Variants in ERCC6L observed in about 807,000 individuals in gnomAD.
ERCC6L encodes the protein DNA excision repair protein ERCC-6-like.
A neutral mutation model predicts 20.1 loss-of-function variants in ERCC6L; 7 were observed. The observed-to-expected ratio is 0.35, with a 90% confidence interval of 0.20 to 0.65. The LOEUF is 0.65. ERCC6L is among the 30% of genes least tolerant of loss of function. The pLI, the probability that ERCC6L is intolerant of heterozygous loss-of-function variation, is 0.69. For synonymous variants in ERCC6L, 278 were observed against 331.3 expected, an observed-to-expected ratio of 0.84 and a Z score of 1.75; for missense variants, 592 against 892.4, an observed-to-expected ratio of 0.66 and a Z score of 4.29.
In ERCC6L at chrX:72,205,503, G is replaced by A. The variant is rs969727890; in HGVS notation, c.3264C>T (p.Asn1088=). 1 of 1,211,344 alleles carries A rather than the reference G, an allele frequency of 8.3e-7. No individual in the cohort carries two copies. The highest frequency in any genetic ancestry group is 2.2e-5 in the Admixed American group (1 of 46,013). The change falls in exon 2 of 2, where the codon AAC becomes AAT. Residue 1088 remains asparagine, a synonymous_variant. Coordinates refer to ENST00000334463, the MANE Select transcript of ERCC6L (RefSeq NM_017669.4). ...TCCTAGAAGCCAGAGATCTTCTAGAGTTCATAGACTTATTTACACTACTGG... is the reference window on the plus strand; with the variant it reads ...TCCTAGAAGCCAGAGATCTTCTAGAATTCATAGACTTATTTACACTACTGG... ...QIPSSVNKSM[N]SRRSLASRRS...
rs1255406640 is a variant in ERCC6L at position 72,238,987 on chromosome X, G to C, written c.-76C>G. 1.1e-5 allele frequency: 11 copies of C among 1,001,975 alleles called. No individual in the cohort carries two copies. The highest frequency in any genetic ancestry group is 3.8e-5 in the African/African-American group (2 of 53,238). 82.6% of individuals were successfully genotyped at this position (1,001,975 alleles called of 1,213,427 possible). ...CTTGGAGCTTGGAGCTTGGAGCTTA[G>C]AGTTTGGAGCTTGAATTTCGCTCAC... On this transcript the variant is annotated 5_prime_UTR_variant, in exon 1 of 2. Coordinates refer to ENST00000334463, the MANE Select transcript of ERCC6L (RefSeq NM_017669.4).
At chrX:72,217,579 A>G (rs1413045379) in intron 1 of ERCC6L, among the ~76,000 whole-genome samples, 1 of 111,891 alleles carries the variant, frequency 8.9e-6, no homozygotes, top group Non-Finnish European at 1.9e-5. Flanking sequence ...TGTTTTATAC[A>G]TTTTATTTAT....
chrX:72,235,467 C>G (rs1192167640), intron 1 of ERCC6L, among the ~76,000 whole-genome samples: 2 of 103,975 alleles, frequency 1.9e-5, no homozygotes, highest in Non-Finnish European at 3.9e-5. Flanking sequence ...GCGATCTCAG[C>G]TCACTGCAAC....
At chrX:72,216,582 C>A (rs2042888357) in intron 1 of ERCC6L, among the ~76,000 whole-genome samples, 1 of 111,659 alleles carries the variant, frequency 9.0e-6, no homozygotes, top group Non-Finnish European at 1.9e-5. Flanking sequence ...CCATTTCTCC[C>A]ACCCCTCAGT....
At chrX:72,214,853 G>A (rs1415333976) in intron 1 of ERCC6L, among the ~76,000 whole-genome samples, 1 of 110,169 alleles carries the variant, frequency 9.1e-6, no homozygotes, top group Non-Finnish European at 1.9e-5. Flanking sequence ...CAGGTGTGGT[G>A]ACGGGTTCCT....
chrX:72,212,120 C>CA (rs2042858393), intron 1 of ERCC6L, among the ~76,000 whole-genome samples: 1 of 109,521 alleles, frequency 9.1e-6, no homozygotes, highest in Non-Finnish European at 1.9e-5. Flanking sequence ...ACTAAAAATA[C>CA]AAAAAAATTA....
At chrX:72,224,655 G>T (rs2042944328) in intron 1 of ERCC6L, among the ~76,000 whole-genome samples, 1 of 111,378 alleles carries the variant, frequency 9.0e-6, no homozygotes, top group Admixed American at 9.6e-5. Context: ...TGAGGCAAGA[G>T]AATTGCTTGA....
intron 1 of ERCC6L, among the ~76,000 whole-genome samples, chrX:72,217,866 C>CG (rs935402688): frequency 1.8e-5 from 2 of 112,263 alleles, no homozygotes; most frequent in African/African-American, 6.5e-5. Context: ...TGATCTATAT[C>CG]TATACTTATG....
At chrX:72,233,680 C>A (rs1171672926) in intron 1 of ERCC6L, among the ~76,000 whole-genome samples, 1 of 104,974 alleles carries the variant, frequency 9.5e-6, no homozygotes, top group African/African-American at 3.7e-5. Context: ...CGAGATTGCG[C>A]CACCACACTC....
intron 1 of ERCC6L, among the ~76,000 whole-genome samples, chrX:72,234,608 AAG>A (rs1283869100): frequency 9.0e-6 from 1 of 111,387 alleles, no homozygotes; most frequent in Non-Finnish European, 1.9e-5. Flanking sequence ...TTAACAATGA[AAG>A]AATTGGTGGG....
At chrX:72,217,440 T>C (rs2042892774) in intron 1 of ERCC6L, among the ~76,000 whole-genome samples, 1 of 111,840 alleles carries the variant, frequency 8.9e-6, no homozygotes, top group African/African-American at 3.2e-5. Context: ...ACAGAAAGCC[T>C]TACGCTTTTT....
intron 1 of ERCC6L, among the ~76,000 whole-genome samples, chrX:72,230,297 C>T (rs1327498955): frequency 9.0e-6 from 1 of 111,075 alleles, no homozygotes; most frequent in Non-Finnish European, 1.9e-5. Context: ...CAAGATAACC[C>T]CCCTCTGGCC....
Position 72,208,209 on chromosome X carries a change from T to G in ERCC6L, c.558A>C (p.Arg186Ser). ...FHGPSKDERT[R>S]NLNRIQQRNG... ...TCCTTTGCTGAATCCGATTGAGGTT[T>G]CTGGTCCGTTCATCCTTGCTAGGAC... Residue 186 changes from arginine to serine, a missense_variant, in exon 2 of 2, where the codon AGA (arginine) becomes AGC (serine). Transcript: ENST00000334463. 1 of 1,211,880 alleles carries G rather than the reference T, an allele frequency of 8.3e-7. No individual in the cohort carries two copies.
rs769868656 is a variant in ERCC6L at position 72,238,986 on chromosome X, A to G, written c.-75T>C. 310 of 926,788 alleles carry G rather than the reference A, an allele frequency of 3.3e-4. No individual in the cohort carries two copies. Among genetic ancestry groups the G allele is most frequent in the Non-Finnish European group, 4.3e-4 (290 of 667,816 alleles). The allele number at this position is 926,788 out of a possible 1,213,427, so 76.4% of individuals were successfully genotyped here. A position where few individuals can be genotyped will look rare whatever the true frequency, so the allele number is the denominator to read the frequency against. The stretch of plus-strand genomic sequence containing the variant: ...GCTTGGAGCTTGGAGCTTGGAGCTT[A>G]GAGTTTGGAGCTTGAATTTCGCTCA... On this transcript the variant is annotated 5_prime_UTR_variant, in exon 1 of 2. Coordinates refer to ENST00000334463, the MANE Select transcript of ERCC6L (RefSeq NM_017669.4).
chrX:72,214,918 T>C (rs979672708), intron 1 of ERCC6L, among the ~76,000 whole-genome samples: 1 of 105,571 alleles, frequency 9.5e-6, no homozygotes, highest in East Asian at 3.1e-4. Context: ...ACTCAGGAGA[T>C]GGAGGTTGCA....
intron 1 of ERCC6L, among the ~76,000 whole-genome samples, chrX:72,222,843 G>A (rs922606187): frequency 1.0e-4 from 11 of 106,000 alleles, no homozygotes; most frequent in South Asian, 4.4e-4. Context: ...TGATCCACCC[G>A]CCTCGGCCTC....
chrX:72,233,342 G>A (rs1183819878), intron 1 of ERCC6L, among the ~76,000 whole-genome samples: 1 of 111,789 alleles, frequency 8.9e-6, no homozygotes, highest in Non-Finnish European at 1.9e-5. Flanking sequence ...AAAAGTGGAG[G>A]GGAGGGGAGA....
At position 72,205,378 on chromosome X, in the gene ERCC6L, C is replaced by T; in HGVS notation, c.3389G>A (p.Gly1130Glu). 1 of 1,211,996 alleles carries T rather than the reference C, an allele frequency of 8.3e-7. No homozygotes were observed. The highest frequency in any genetic ancestry group is 1.8e-5 in the South Asian group (1 of 56,997). Residue 1130 changes from glycine to glutamate, a missense_variant, in exon 2 of 2, where the codon GGG (glycine) becomes GAG (glutamate). By Grantham distance (98) the Gly-to-Glu change is moderately conservative. Around this residue, in one of 3 missense-constraint regions of ERCC6L, gnomAD observed 352 missense variants for 402.6 expected, o/e 0.87. Coordinates refer to ENST00000334463, the MANE Select transcript of ERCC6L (RefSeq NM_017669.4). ...GGCTTCGCCACTGCTTTCCTCCACC[C>T]CTTCTTCTGGATAATCTTCAGGACC... is the stretch of plus-strand genomic sequence containing the variant. ...AKGPEDYPEE[G>E]VEESSGEASK...
At chrX:72,223,662 G>T (rs2042938904) in intron 1 of ERCC6L, among the ~76,000 whole-genome samples, 1 of 111,200 alleles carries the variant, frequency 9.0e-6, no homozygotes, top group Non-Finnish European at 1.9e-5. Flanking sequence ...GTGCTGGAAG[G>T]CCTTCCGTGT....
Sources: allele counts gnomAD v4.1 joint callset (sites outside exome capture counted in the v4.1 genomes callset), GRCh38; gene constraint gnomAD v4.1.1; regional missense constraint gnomAD v4.1.1; transcripts MANE v1.5; gene names NCBI Gene and HGNC (gene_info 2026-07-23, HGNC 2026-07-21).